CCNQ: variants seen among roughly 807,000 people sequenced by gnomAD.
CCNQ encodes the protein cyclin Q, also known as cyclin-Q.
In CCNQ, 3 loss-of-function variants were observed where a neutral mutation model predicts 17.7. The ratio of observed to expected loss-of-function variants is 0.17; its 90% CI spans 0.08 to 0.44. CCNQ has a LOEUF of 0.44. Ranked by LOEUF, CCNQ falls within the 20% of genes least tolerant of loss-of-function variation. CCNQ has a pLI of 0.99. For synonymous variants in CCNQ, 73 were observed against 96.0 expected (o/e 0.76, Z 1.40); for missense variants, 146 against 222.6 (o/e 0.66, Z 2.19).
chrX:153,594,031 T>TA (rs1444787548), intron 3 of CCNQ, among the ~76,000 whole-genome samples: 1 of 113,179 alleles, frequency 8.8e-6, no homozygotes, highest in African/African-American at 3.2e-5. Flanking sequence ...TTTTCCCTTT[T>TA]ACTGCTGTTT....
chrX:153,592,798 A>G, intron 3 of CCNQ, 65 bp from the exon 4 acceptor site: 3 of 987,217 alleles, frequency 3.0e-6, no homozygotes, highest in Non-Finnish European at 2.8e-6. Flanking sequence ...ACATAATCAT[A>G]TCAGCACCTG....
chrX:153,591,931 G>C (rs2090994385), intron 4 of CCNQ, among the ~76,000 whole-genome samples: 1 of 109,639 alleles, frequency 9.1e-6, no homozygotes, highest in African/African-American at 3.3e-5. Flanking sequence ...CACGGGCCAG[G>C]GAAGAGAGGC....
At chrX:153,590,225 C>G (rs1432518320) in intron 4 of CCNQ, among the ~76,000 whole-genome samples, 2 of 30,048 alleles carry the variant, frequency 6.7e-5, no homozygotes, top group African/African-American at 2.5e-4. Context: ...GAGACTCTGT[C>G]TCTATTAAAA....
At position 153,588,075 on chromosome X, in the gene CCNQ, G is replaced by A; in HGVS notation, c.*290C>T. The A allele has an allele frequency of 2.2e-6, 1 of 452,163 alleles. No individual in the cohort carries two copies. The highest frequency in any genetic ancestry group is 4.0e-6 in the Non-Finnish European group (1 of 249,163). 37.3% of individuals were successfully genotyped at this position (452,163 alleles called of 1,213,427 possible). A position where few individuals can be genotyped will look rare whatever the true frequency, so the allele number is the denominator to read the frequency against. On this transcript the variant is annotated 3_prime_UTR_variant, in exon 5 of 5. Coordinates refer to ENST00000576892, the MANE Select transcript of CCNQ (RefSeq NM_152274.5). ...TCATTGATGTCATGCCTGTATTGTA[G>A]TCAAAGTCCTCTCAAAGGACAAACG...
chrX:153,592,872 A>C, intron 3 of CCNQ, 139 bp from the exon 4 acceptor site: 1 of 574,986 alleles, frequency 1.7e-6, no homozygotes, highest in Non-Finnish European at 2.8e-6. Flanking sequence ...TGCTGGCCCC[A>C]TCTCCTGCCG....
intron 2 of CCNQ, 122 bp downstream of exon 2, chrX:153,595,882 G>A: frequency 1.2e-6 from 1 of 844,782 alleles, no homozygotes; most frequent in African/African-American, 2.0e-5. Flanking sequence ...CTGGTTCAAG[G>A]CCATCCAGGT....
At chrX:153,594,732 G>A (rs1236861492) in intron 2 of CCNQ, 53 bp from the exon 3 acceptor site, 13 of 1,179,490 alleles carry the variant, frequency 1.1e-5, no homozygotes, top group Non-Finnish European at 1.5e-5. Flanking sequence ...CCTGAGCACT[G>A]GATGGCTCAA....
rs2090965164 is a variant in CCNQ, at chrX:153,588,004, A to G, written c.*361T>C. 5.7e-6 allele frequency: 2 copies of G among 352,855 alleles called. No individual in the cohort carries two copies. The highest frequency in any genetic ancestry group is 1.0e-5 in the Non-Finnish European group (2 of 196,644). The allele number at this position is 352,855 out of a possible 1,213,427, so 29.1% of individuals were successfully genotyped here. A position where few individuals can be genotyped will look rare whatever the true frequency, so the allele number is the denominator to read the frequency against. On this transcript the variant is annotated 3_prime_UTR_variant, in exon 5 of 5. Coordinates refer to ENST00000576892, the MANE Select transcript of CCNQ (RefSeq NM_152274.5). ...CATTCTCCCTACAAATCTGGCTTTT[A>G]AGAAATCCGTAGGGATTCAGTCTCA... is the stretch of plus-strand genomic sequence containing the variant.
intron 4 of CCNQ, among the ~76,000 whole-genome samples, chrX:153,590,231 T>TTAAAAA (rs1172483156): frequency 3.8e-5 from 1 of 26,456 alleles, no homozygotes; most frequent in African/African-American, 1.7e-4. Flanking sequence ...CTGTCTCTAT[T>TTAAAAA]AAAAAAAAAA....
chrX:153,592,121 G>A (rs1557025914), intron 4 of CCNQ, among the ~76,000 whole-genome samples: 1 of 111,992 alleles, frequency 8.9e-6, no homozygotes, highest in Non-Finnish European at 1.9e-5. Flanking sequence ...CCAGCTAGCT[G>A]TCACCTACCT....
At chrX:153,588,858 G>A (rs1432228308) in intron 4 of CCNQ, among the ~76,000 whole-genome samples, 3 of 112,821 alleles carry the variant, frequency 2.7e-5, no homozygotes, top group South Asian at 3.6e-4. Flanking sequence ...CTAAGTACCC[G>A]GACCCCACGC....
In CCNQ at chrX:153,592,609, C is replaced by T. The variant is rs1557026048; in HGVS notation, c.554G>A (p.Arg185His). Residue 185 changes from arginine (R) to histidine (H), a missense_variant, in exon 4 of 5, where the codon CGC (arginine) becomes CAC (histidine). Coordinates refer to ENST00000576892, the MANE Select transcript of CCNQ (RefSeq NM_152274.5). ...RDSYHGALCL[R>H]FQAQHIAVAV... Reference sequence around the variant, plus strand: ...CACGGCGATGTGCTGGGCCTGGAAGCGGAGGCACAGCGCCCCATGGTAGCT... The same window carrying T: ...CACGGCGATGTGCTGGGCCTGGAAGTGGAGGCACAGCGCCCCATGGTAGCT... 2 of 1,211,301 alleles carry T rather than the reference C, an allele frequency of 1.7e-6. No homozygotes were observed. The highest frequency in any genetic ancestry group is 1.1e-6 in the Non-Finnish European group (1 of 895,149).
Position 153,590,939 on chromosome X carries a change from C to T in CCNQ, c.657+1567G>A, listed in dbSNP as rs147542455. Among the ~76,000 whole-genome samples the T allele has an allele frequency of 5.3e-3, 597 of 111,996 alleles. 3 individuals carry two copies. Among genetic ancestry groups the T allele is most frequent in the African/African-American group, 0.018 (561 of 30,822 alleles). The stretch of plus-strand genomic sequence containing the variant: ...TGGAAGTTTCAGCAGCATTGCGTGA[C>T]GACCTGCATCATTTCTGACCCCGCT... On this transcript the variant is annotated intron_variant, in intron 4 of 4. Coordinates refer to ENST00000576892, the MANE Select transcript of CCNQ (RefSeq NM_152274.5).
At chrX:153,593,279 G>A (rs962296913) in intron 3 of CCNQ, among the ~76,000 whole-genome samples, 1 of 112,373 alleles carries the variant, frequency 8.9e-6, no homozygotes, top group Non-Finnish European at 1.9e-5. Context: ...CGAGCTCTCT[G>A]GACAGTCTGG....
chrX:153,592,850 C>A, intron 3 of CCNQ, 117 bp from the exon 4 acceptor site: 1 of 696,373 alleles, frequency 1.4e-6, no homozygotes. Context: ...AGGAAGAAGC[C>A]CCAAGGCCTT....
intron 4 of CCNQ, among the ~76,000 whole-genome samples, chrX:153,590,590 G>A: frequency 8.9e-6 from 1 of 112,224 alleles, no homozygotes. Context: ...CTGGATGGTG[G>A]TGATGGCTGC....
chrX:153,590,137 A>G (rs1208352157), intron 4 of CCNQ, among the ~76,000 whole-genome samples: 1 of 103,937 alleles, frequency 9.6e-6, no homozygotes, highest in East Asian at 3.1e-4. Context: ...CTGAGGCAGG[A>G]CAATCACTTG....
chrX:153,590,465 G>A (rs1342334722), intron 4 of CCNQ, among the ~76,000 whole-genome samples: 1 of 110,182 alleles, frequency 9.1e-6, no homozygotes, highest in African/African-American at 3.3e-5. Context: ...CCTCAAAGGA[G>A]AGCCGTGAAC....
intron 3 of CCNQ, among the ~76,000 whole-genome samples, chrX:153,594,337 T>C (rs1298402600): frequency 5.3e-5 from 6 of 112,865 alleles, no homozygotes; most frequent in Admixed American, 9.3e-5. Context: ...GAAATGAGAA[T>C]TGGCTGAGAA....
Sources: gnomAD v4.1 joint callset for allele counts (sites outside exome capture counted in the v4.1 genomes callset) on GRCh38, gnomAD v4.1.1 for gene constraint, MANE v1.5 for transcripts, NCBI Gene and HGNC (gene_info 2026-07-23, HGNC 2026-07-21) for gene names.